CAMTA1: variants seen among roughly 807,000 people sequenced by gnomAD.
CAMTA1 encodes calmodulin binding transcription activator 1.
Under a neutral mutation model 170.9 loss-of-function variants are expected in CAMTA1, and 27 were observed. The ratio of observed to expected loss-of-function variants is 0.16; its 90% CI spans 0.12 to 0.22. CAMTA1 has a LOEUF of 0.22. Ranked by LOEUF, CAMTA1 falls within the 10% of genes least tolerant of loss-of-function variation. The pLI, the probability that CAMTA1 is intolerant of heterozygous loss-of-function variation, is 1.00. For synonymous variants in CAMTA1, 833 were observed against 891.5 expected (o/e 0.93, Z 1.17); for missense variants, 1,619 against 2,217.2 (o/e 0.73, Z 5.42).
At chr1:7,706,009 G>C in intron 11 of CAMTA1, among the ~76,000 whole-genome samples, 1 of 152,066 alleles carries the variant, frequency 6.6e-6, no homozygotes, top group East Asian at 1.9e-4. Flanking sequence ...TCTGGTGTTT[G>C]AGACTTTTTC....
chr1:7,128,660 T>C (rs1645068765), intron 4 of CAMTA1, among the ~76,000 whole-genome samples: 1 of 133,512 alleles, frequency 7.5e-6, no homozygotes, highest in Admixed American at 7.4e-5. Flanking sequence ...ATTAGCCCTA[T>C]TTTTTTTTTT....
chr1:7,037,130 A>G (rs1014435114), intron 3 of CAMTA1, among the ~76,000 whole-genome samples: 1 of 152,192 alleles, frequency 6.6e-6, no homozygotes, highest in African/African-American at 2.4e-5. Context: ...AATTGAGTAG[A>G]TGATGGAAAG....
Position 7,732,570 on chromosome 1 carries a change from G to C in CAMTA1, c.3037G>C (p.Gly1013Arg), listed in dbSNP as rs374854646. The change falls in exon 12 of 23, where the codon GGG becomes CGG. Residue 1013 changes from glycine to arginine, a missense_variant. Around this residue, in one of 8 missense-constraint regions of CAMTA1, gnomAD observed 143 missense variants for 184.2 expected, o/e 0.78. Transcript: ENST00000303635. This position sits in a 1 kb window ranked among gnomAD's most constrained non-coding sequence, Gnocchi z 4.1. ...SGGGSSGGGS[G>R]SGNGGSQAQC... Reference sequence around the variant, plus strand: ...AGGCGGCAGCAGTGGAGGCGGCAGCGGGAGCGGGAATGGAGGGAGCCAGGC... The same window carrying C: ...AGGCGGCAGCAGTGGAGGCGGCAGCCGGAGCGGGAATGGAGGGAGCCAGGC... 1 of 1,611,406 alleles carries C rather than the reference G, an allele frequency of 6.2e-7. No homozygotes were observed. Among genetic ancestry groups the C allele is most frequent in the Non-Finnish European group, 8.5e-7 (1 of 1,179,186 alleles).
chr1:6,835,950 G>A (rs1239683709), intron 3 of CAMTA1, among the ~76,000 whole-genome samples: 2 of 152,146 alleles, frequency 1.3e-5, no homozygotes, highest in South Asian at 2.1e-4. Context: ...TGAAAGGGTA[G>A]CATGAACAAT....
At chr1:6,868,799 T>C (rs1234897079) in intron 3 of CAMTA1, among the ~76,000 whole-genome samples, 1 of 152,240 alleles carries the variant, frequency 6.6e-6, no homozygotes, top group East Asian at 1.9e-4. Context: ...TTGATGGACT[T>C]GTGAAAGTGA....
chr1:7,520,293 G>C (rs1227868095), intron 6 of CAMTA1, among the ~76,000 whole-genome samples: 2 of 68,224 alleles, frequency 2.9e-5, no homozygotes, highest in Non-Finnish European at 5.8e-5. Flanking sequence ...GTCTGCTCTG[G>C]TGAGGCTCTG....
At chr1:7,702,277 C>G (rs1416677385) in intron 11 of CAMTA1, among the ~76,000 whole-genome samples, 1 of 152,128 alleles carries the variant, frequency 6.6e-6, no homozygotes, top group Non-Finnish European at 1.5e-5. Flanking sequence ...CATGGGTACC[C>G]CTGAGGCCCC....
intron 5 of CAMTA1, among the ~76,000 whole-genome samples, chr1:7,436,150 C>T (rs968509762): frequency 4.6e-5 from 7 of 152,210 alleles, no homozygotes; most frequent in Non-Finnish European, 8.8e-5. Context: ...CCCCCAGGCC[C>T]GGGGCTGCCA....
intron 6 of CAMTA1, among the ~76,000 whole-genome samples, chr1:7,596,002 G>A (rs1370375416): frequency 1.3e-5 from 2 of 152,188 alleles, no homozygotes; most frequent in African/African-American, 2.4e-5. Context: ...TTGGCTTCCT[G>A]GGGACCCCGG....
chr1:6,953,763 T>C (rs774858746), intron 3 of CAMTA1, among the ~76,000 whole-genome samples: 10 of 145,522 alleles, frequency 6.9e-5, no homozygotes, highest in Non-Finnish European at 1.4e-4. Flanking sequence ...ATTTTTTTCT[T>C]TTTTTTTTTT....
intron 5 of CAMTA1, among the ~76,000 whole-genome samples, chr1:7,323,507 C>CTTTTTTTTTTTTTT (rs56382342): frequency 2.4e-4 from 26 of 108,986 alleles, no homozygotes; most frequent in Middle Eastern, 7.1e-3. Flanking sequence ...CTTTATTCTT[C>CTTTTTTTTTTTTTT]TTTTTTTTTT....
At chr1:7,369,844 C>G (rs891221493) in intron 5 of CAMTA1, among the ~76,000 whole-genome samples, 1 of 152,124 alleles carries the variant, frequency 6.6e-6, no homozygotes, top group African/African-American at 2.4e-5. Context: ...CTGATCAGTC[C>G]CCTCCTAGGA....
chr1:6,884,969 T>A (rs1322617085), intron 3 of CAMTA1, among the ~76,000 whole-genome samples: 1 of 152,246 alleles, frequency 6.6e-6, no homozygotes, highest in Non-Finnish European at 1.5e-5. Context: ...AATGAAAGCT[T>A]ACTCATTACA....
At chr1:6,974,429 G>A (rs1384013086) in intron 3 of CAMTA1, among the ~76,000 whole-genome samples, 1 of 152,196 alleles carries the variant, frequency 6.6e-6, no homozygotes, top group East Asian at 1.9e-4. Context: ...TAAATGGGGT[G>A]GCACACAGCA....
intron 11 of CAMTA1, among the ~76,000 whole-genome samples, chr1:7,710,837 A>G (rs2096565067): frequency 1.3e-5 from 2 of 152,002 alleles, no homozygotes; most frequent in Non-Finnish European, 2.9e-5. Flanking sequence ...AAATTACCAG[A>G]TGTCTCCAGG....
At chr1:7,556,035 C>T (rs1001465017) in intron 6 of CAMTA1, among the ~76,000 whole-genome samples, 2 of 152,176 alleles carry the variant, frequency 1.3e-5, no homozygotes, top group South Asian at 4.1e-4. Flanking sequence ...CTTGGGGAAG[C>T]AGGGAGTCCA....
intron 3 of CAMTA1, among the ~76,000 whole-genome samples, chr1:6,885,226 T>C (rs1401327326): frequency 1.3e-5 from 2 of 152,222 alleles, no homozygotes; most frequent in Non-Finnish European, 1.5e-5. Context: ...TTATGATACC[T>C]CTTGTAAATT....
intron 20 of CAMTA1, 36 bp from the exon 21 acceptor site, chr1:7,752,423 A>G (rs369483303): frequency 6.1e-5 from 97 of 1,590,240 alleles, no homozygotes; most frequent in Middle Eastern, 5.3e-4. Context: ...GCTTTACTGT[A>G]ACCTTCTTGT....
intron 3 of CAMTA1, among the ~76,000 whole-genome samples, chr1:6,995,295 C>CTTTTCTTTTTTTTTTTTTTTTT (rs1697047615): frequency 4.9e-5 from 3 of 60,620 alleles, no homozygotes; most frequent in African/African-American, 6.8e-5. Flanking sequence ...TTTTTCTTTT[C>CTTTTCTTTTTTTTTTTTTTTTT]TTTTTTTTTT....
Sources: allele counts gnomAD v4.1 joint callset (sites outside exome capture counted in the v4.1 genomes callset), GRCh38; gene constraint gnomAD v4.1.1; regional missense constraint gnomAD v4.1.1; non-coding constraint Gnocchi (gnomAD v3.1); transcripts MANE v1.5; gene names NCBI Gene and HGNC (gene_info 2026-07-23, HGNC 2026-07-21).